The following SPMIP2 variants were observed in gnomAD, a reference collection of about 807,000 sequenced individuals.
SPMIP2 encodes the protein protein SPMIP2.
the SPMIP2 span, among the ~76,000 whole-genome samples, chr4:158,941,671 G>C: frequency 1.3e-5 from 2 of 152,078 alleles, no homozygotes; most frequent in African/African-American, 4.8e-5. Context: ...AAAACAGAAA[G>C]GAGATTTCTG....
At chr4:159,070,355 G>T in the SPMIP2 span, among the ~76,000 whole-genome samples, 2 of 152,156 alleles carry the variant, frequency 1.3e-5, no homozygotes, top group African/African-American at 4.8e-5. Context: ...TATATACACT[G>T]GCAAGTGATT....
the SPMIP2 span, among the ~76,000 whole-genome samples, chr4:159,054,164 G>T: frequency 2.0e-5 from 3 of 151,556 alleles, no homozygotes; most frequent in South Asian, 6.2e-4. Context: ...TTTTATTTTT[G>T]TAGAGACAGG....
chr4:158,915,185 T>C, the SPMIP2 span: 1 of 1,611,396 alleles, frequency 6.2e-7, no homozygotes, highest in Non-Finnish European at 8.5e-7. Context: ...CCTTTTTTGG[T>C]AGCTTCGGCA....
At chr4:159,035,699 TC>T in the SPMIP2 span, among the ~76,000 whole-genome samples, 12 of 152,362 alleles carry the variant, frequency 7.9e-5, no homozygotes, top group East Asian at 2.1e-3. Context: ...TGGTTCTCAA[TC>T]TGTGCAATGC....
the SPMIP2 span, among the ~76,000 whole-genome samples, chr4:159,013,505 G>A: frequency 6.6e-6 from 1 of 152,178 alleles, no homozygotes; most frequent in East Asian, 1.9e-4. Flanking sequence ...TGTCTGGTAG[G>A]AGCCCACCTT....
At chr4:159,061,094 A>AT in the SPMIP2 span, among the ~76,000 whole-genome samples, 2,403 of 143,790 alleles carry the variant, frequency 0.017, 22 homozygotes, top group Non-Finnish European at 0.02. Flanking sequence ...CAAAAAAAAA[A>AT]ATATATATAT....
chr4:158,989,541 C>T, the SPMIP2 span, among the ~76,000 whole-genome samples: 43 of 152,024 alleles, frequency 2.8e-4, no homozygotes, highest in Non-Finnish European at 5.1e-4. Context: ...ATATATAGAC[C>T]GATGGAACAG....
chr4:158,962,123 A>T, the SPMIP2 span, among the ~76,000 whole-genome samples: 1 of 152,186 alleles, frequency 6.6e-6, no homozygotes, highest in Non-Finnish European at 1.5e-5. Context: ...AACTACATTC[A>T]CATATCGTGA....
chr4:158,949,552 A>G, the SPMIP2 span, among the ~76,000 whole-genome samples: 5 of 121,904 alleles, frequency 4.1e-5, no homozygotes, highest in African/African-American at 1.6e-4. Context: ...CTTTAAAGCC[A>G]TTGTACTTCA....
At chr4:159,078,846 G>T in the SPMIP2 span, among the ~76,000 whole-genome samples, 1 of 152,196 alleles carries the variant, frequency 6.6e-6, no homozygotes, top group Admixed American at 6.5e-5. Context: ...GGCCAGGCAT[G>T]GTGGCTCATG....
chr4:159,018,458 A>C, the SPMIP2 span, among the ~76,000 whole-genome samples: 1 of 152,190 alleles, frequency 6.6e-6, no homozygotes, highest in Non-Finnish European at 1.5e-5. Flanking sequence ...CAGCTAAGGC[A>C]CTATGTTGTT....
At chr4:158,983,760 C>A in the SPMIP2 span, among the ~76,000 whole-genome samples, 1 of 17,160 alleles carries the variant, frequency 5.8e-5, no homozygotes, top group Non-Finnish European at 1.3e-4. Flanking sequence ...AACCAGCTAA[C>A]ATCATAATGA....
At chr4:159,002,410 C>A in the SPMIP2 span, among the ~76,000 whole-genome samples, 1 of 151,994 alleles carries the variant, frequency 6.6e-6, no homozygotes, top group African/African-American at 2.4e-5. Flanking sequence ...GGTGTTACAC[C>A]TAAAAATTAT....
chr4:159,012,364 T>C, the SPMIP2 span, among the ~76,000 whole-genome samples: 12 of 151,800 alleles, frequency 7.9e-5, no homozygotes, highest in South Asian at 2.5e-3. Flanking sequence ...TAATGTGGAG[T>C]TGAAAACAAA....
chr4:159,034,987 A>G, the SPMIP2 span: 15 of 1,449,476 alleles, frequency 1.0e-5, no homozygotes, highest in African/African-American at 2.8e-5. Flanking sequence ...TGAGAGAAAA[A>G]GCAAATTTAG....
chr4:158,928,299 C>T, the SPMIP2 span, among the ~76,000 whole-genome samples: 6 of 151,596 alleles, frequency 4.0e-5, no homozygotes, highest in African/African-American at 1.5e-4. Flanking sequence ...TCTGGTGGGG[C>T]CTTGGAGAAC....
At chr4:158,935,628 G>A in the SPMIP2 span, among the ~76,000 whole-genome samples, 1 of 152,236 alleles carries the variant, frequency 6.6e-6, no homozygotes, top group African/African-American at 2.4e-5. Context: ...GGTTTGGAGT[G>A]TGGTAGAACT....
chr4:158,975,975 C>T, the SPMIP2 span, among the ~76,000 whole-genome samples: 6 of 152,202 alleles, frequency 3.9e-5, no homozygotes, highest in East Asian at 9.6e-4. Flanking sequence ...CTTATTTCCT[C>T]GAACAGTGGT....
At chr4:159,004,289 C>CTTTTTTTTTT in the SPMIP2 span, among the ~76,000 whole-genome samples, 26 of 78,922 alleles carry the variant, frequency 3.3e-4, 1 homozygote, top group Admixed American at 8.1e-4. Flanking sequence ...ACTCTGTGCT[C>CTTTTTTTTTT]TTTTTTTTTT....
Sources: gnomAD v4.1 joint callset for allele counts (sites outside exome capture counted in the v4.1 genomes callset) on GRCh38, gnomAD v4.1.1 for gene constraint, MANE v1.5 for transcripts, NCBI Gene and HGNC (gene_info 2026-07-23, HGNC 2026-07-21) for gene names.